D2HGDH: variants seen among roughly 807,000 people sequenced by gnomAD.
The protein encoded by D2HGDH is D-2-hydroxyglutarate dehydrogenase, mitochondrial.
A neutral mutation model predicts 46.9 loss-of-function variants in D2HGDH; 31 were observed. The ratio of observed to expected loss-of-function variants is 0.66; its 90% confidence interval spans 0.50 to 0.89. The LOEUF (loss-of-function observed/expected upper bound fraction) is 0.89. D2HGDH is among the 40% of genes least tolerant of loss of function. The pLI, the probability that D2HGDH is intolerant of heterozygous loss-of-function variation, is 0.00. For synonymous variants in D2HGDH, 364 were observed against 332.6 expected, an observed-to-expected ratio of 1.09 and a Z score of -1.03; for missense variants, 698 against 720.8, an observed-to-expected ratio of 0.97 and a Z score of 0.36.
rs141218715 is a variant in D2HGDH at position 241,741,112 on chromosome 2, C to G, written c.350+22C>G. ...TCAGGTGAGGTGGTGGCTCCCGGCT[C>G]CCCCAGCCTTCCCTGTTGCCTGTGG... is the stretch of plus-strand genomic sequence containing the variant. On this transcript the variant is annotated intron_variant, in intron 3 of 9. Coordinates refer to ENST00000321264, the MANE Select transcript of D2HGDH (RefSeq NM_152783.5). 1,696 of 1,609,852 alleles carry G rather than the reference C, an allele frequency of 1.1e-3. 31 individuals are homozygous for G. The East Asian group carries it at 0.034, about 33-fold the overall frequency.
At chr2:241,759,091 G>A (rs1171341199) in intron 9 of D2HGDH, among the ~76,000 whole-genome samples, 3 of 152,204 alleles carry the variant, frequency 2.0e-5, no homozygotes, top group East Asian at 3.9e-4. Flanking sequence ...GTCCTTATCA[G>A]ATCAGATTTT....
rs547944298 is a variant in D2HGDH, at chr2:241,738,282, C to T, written c.293-2751C>T. Among the ~76,000 whole-genome samples the T allele has an allele frequency of 4.6e-5, 7 of 152,334 alleles. No individual in the cohort carries two copies. The East Asian group carries it at 1.4e-3, about 29-fold the overall frequency. ...CCCCGGAGGCAGGTGAGGATGGACG[C>T]CCACCCTGGGCTTGGCTAAGTCGGG... On this transcript the variant is annotated intron_variant, in intron 2 of 9. Coordinates refer to ENST00000321264, the MANE Select transcript of D2HGDH (RefSeq NM_152783.5).
chr2:241,767,700 G>C lies in D2HGDH; in HGVS notation c.1307-10G>C, dbSNP rs1429797225. 2.5e-6 allele frequency: 4 copies of C among 1,612,630 alleles called. No homozygotes were observed. Among genetic ancestry groups the C allele is most frequent in the Middle Eastern group, 1.7e-4 (1 of 6,052 alleles). On this transcript the variant is annotated splice_polypyrimidine_tract_variant and intron_variant, in intron 9 of 9. Transcript: ENST00000321264. Reference sequence around the variant, plus strand: ...TGCCCAGCCTGACCCATGTGCCCTTGTCCCTCCAGGAGATGGTAACCTGCA... The same window carrying C: ...TGCCCAGCCTGACCCATGTGCCCTTCTCCCTCCAGGAGATGGTAACCTGCA...
chr2:241,762,617 G>T (rs188394025), intron 9 of D2HGDH, among the ~76,000 whole-genome samples: 123 of 152,206 alleles, frequency 8.1e-4, no homozygotes, highest in African/African-American at 2.6e-3. Flanking sequence ...CTCAGTCCAA[G>T]CCCCCTTGTT....
At chr2:241,749,896 C>A (rs1696834036) in intron 6 of D2HGDH, 2 of 555,268 alleles carry the variant, frequency 3.6e-6, no homozygotes, top group African/African-American at 1.9e-5. Flanking sequence ...CAGGCGTGCA[C>A]CTTCTCCTGA....
chr2:241,763,149 A>G (rs780271558), intron 9 of D2HGDH, among the ~76,000 whole-genome samples: 3 of 152,172 alleles, frequency 2.0e-5, no homozygotes, highest in Non-Finnish European at 4.4e-5. Flanking sequence ...GTTGCTCGGG[A>G]ATACAGTTGG....
intron 5 of D2HGDH, among the ~76,000 whole-genome samples, chr2:241,744,485 C>T (rs972296405): frequency 3.9e-5 from 6 of 152,218 alleles, no homozygotes; most frequent in African/African-American, 1.4e-4. Context: ...GCTGGGCTCA[C>T]GCCCTACTCC....
At chr2:241,759,811 T>C (rs1379819326) in intron 9 of D2HGDH, among the ~76,000 whole-genome samples, 1 of 152,256 alleles carries the variant, frequency 6.6e-6, no homozygotes, top group Admixed American at 6.5e-5. Context: ...TCTAGCCCTC[T>C]GGGTTTGAGG....
chr2:241,749,029 C>CG (rs753428604), intron 6 of D2HGDH: 2 of 1,016,074 alleles, frequency 2.0e-6, no homozygotes, highest in South Asian at 6.8e-5. Flanking sequence ...TCCTGGTGTC[C>CG]CTCGTGCTCG....
At chr2:241,757,843 C>T (rs1698333206) in intron 9 of D2HGDH, among the ~76,000 whole-genome samples, 1 of 151,980 alleles carries the variant, frequency 6.6e-6, no homozygotes, top group African/African-American at 2.4e-5. Context: ...CCTGTAATCC[C>T]AGCTACTCGG....
intron 2 of D2HGDH, among the ~76,000 whole-genome samples, chr2:241,740,722 G>T (rs1031777061): frequency 6.6e-6 from 1 of 152,174 alleles, no homozygotes; most frequent in Non-Finnish European, 1.5e-5. Context: ...CGCAGTGGGC[G>T]GATCACGAGG....
At chr2:241,756,464 G>GA (rs1698192212) in intron 9 of D2HGDH, among the ~76,000 whole-genome samples, 1 of 152,232 alleles carries the variant, frequency 6.6e-6, no homozygotes, top group Admixed American at 6.5e-5. Context: ...TTTTTCTGCA[G>GA]AAAAATCATG....
At chr2:241,739,317 G>T (rs536450157) in intron 2 of D2HGDH, among the ~76,000 whole-genome samples, 1 of 152,232 alleles carries the variant, frequency 6.6e-6, no homozygotes, top group East Asian at 1.9e-4. Flanking sequence ...AAGTGTGTCC[G>T]AGTCGAAAGC....
Position 241,768,380 on chromosome 2 carries a change from G to A in D2HGDH, c.*411G>A. The stretch of plus-strand genomic sequence containing the variant: ...CCCGGGCATGCGTGGGCAGCGGGGG[G>A]CATGCGTGGGCAGCAGGGGGCGTGG... On this transcript the variant is annotated 3_prime_UTR_variant, in exon 10 of 10. Coordinates refer to ENST00000321264, the MANE Select transcript of D2HGDH (RefSeq NM_152783.5). The A allele has an allele frequency of 4.9e-6, 1 of 205,904 alleles. No individual in the cohort carries two copies. The highest frequency in any genetic ancestry group is 9.9e-6 in the Non-Finnish European group (1 of 101,082). 12.8% of individuals were successfully genotyped at this position (205,904 alleles called of 1,614,324 possible).
In D2HGDH at chr2:241,742,597, G is replaced by C; in HGVS notation, c.490+23G>C. On this transcript the variant is annotated intron_variant, in intron 4 of 9. Coordinates refer to ENST00000321264, the MANE Select transcript of D2HGDH (RefSeq NM_152783.5). This position sits in a 1 kb window ranked among gnomAD's most constrained non-coding sequence, Gnocchi z 4.8. ...CTGGTAAGCCTGTGCCACCCGTCGG[G>C]GCCCAGGAGTCCCTCCTGGTGCTGG... The C allele has an allele frequency of 6.2e-7, 1 of 1,613,978 alleles. No homozygotes were observed. Among genetic ancestry groups the C allele is most frequent in the Non-Finnish European group, 8.5e-7 (1 of 1,179,956 alleles).
chr2:241,755,777 G>C, intron 8 of D2HGDH, 72 bp from the exon 9 acceptor site: 1 of 1,611,304 alleles, frequency 6.2e-7, no homozygotes, highest in Non-Finnish European at 8.5e-7. Flanking sequence ...CCCTAACCCC[G>C]TGTGGTGTGC....
At chr2:241,747,446 G>C (rs1343461159) in intron 6 of D2HGDH, among the ~76,000 whole-genome samples, 1 of 151,972 alleles carries the variant, frequency 6.6e-6, no homozygotes, top group East Asian at 1.9e-4. Context: ...CAGCCTGAGA[G>C]TGACCAAGTT....
intron 6 of D2HGDH, among the ~76,000 whole-genome samples, chr2:241,747,591 C>T (rs1292220901): frequency 6.9e-6 from 1 of 145,318 alleles, no homozygotes; most frequent in African/African-American, 2.6e-5. Flanking sequence ...TTTTGAGAGA[C>T]AAGGTCTCAC....
At position 241,735,431 on chromosome 2, in the gene D2HGDH, C is replaced by T. The variant is rs1351824739; in HGVS notation, c.207C>T (p.Ala69=). The change falls in exon 2 of 10, where the codon GCC becomes GCT. Residue 69 remains alanine (A), a synonymous_variant. Transcript: ENST00000321264. ...CGGTGTCTAAGCAGGACCTGGCCGC[C>T]TTTGAGCGCATCGTGCCCGGCGGGG... ...FSTVSKQDLA[A]FERIVPGGVV... 2.5e-6 allele frequency: 4 copies of T among 1,608,900 alleles called. No individual in the cohort carries two copies. The African/African-American group carries it at 4.0e-5, about 16-fold the overall frequency.
Sources: allele counts gnomAD v4.1 joint callset (sites outside exome capture counted in the v4.1 genomes callset), GRCh38; gene constraint gnomAD v4.1.1; non-coding constraint Gnocchi (gnomAD v3.1); transcripts MANE v1.5; gene names NCBI Gene and HGNC (gene_info 2026-07-23, HGNC 2026-07-21).